ADAMTS19: variants seen among roughly 807,000 people sequenced by gnomAD.
ADAMTS19 encodes A disintegrin and metalloproteinase with thrombospondin motifs 19.
In ADAMTS19, 93 loss-of-function variants were observed where a neutral mutation model predicts 153.3. That is an observed-to-expected ratio of 0.61 (90% CI 0.51 to 0.72). The LOEUF (loss-of-function observed/expected upper bound fraction) is 0.72, where lower values mean the gene tolerates loss of function less well. ADAMTS19 is among the 30% of genes least tolerant of loss of function. The pLI is 0.00. For missense variants in ADAMTS19, 1,482 were observed against 1,552.1 expected (o/e 0.95, Z 0.76); for synonymous variants, 600 against 556.6 (o/e 1.08, Z -1.10).
intron 2 of ADAMTS19, among the ~76,000 whole-genome samples, chr5:129,487,259 A>T (rs1327538580): frequency 6.6e-6 from 1 of 152,114 alleles, no homozygotes; most frequent in African/African-American, 2.4e-5. Flanking sequence ...TATGGATAAA[A>T]ATTTCAGTCA....
chr5:129,484,049 AAC>A (rs1290998830), intron 2 of ADAMTS19, among the ~76,000 whole-genome samples: 2 of 152,190 alleles, frequency 1.3e-5, no homozygotes, highest in African/African-American at 2.4e-5. Flanking sequence ...AGTGAATATT[AAC>A]ACAGTTATTA....
chr5:129,567,102 T>C (rs1753744100), intron 7 of ADAMTS19, among the ~76,000 whole-genome samples: 1 of 152,070 alleles, frequency 6.6e-6, no homozygotes, highest in Non-Finnish European at 1.5e-5. Flanking sequence ...TGGATATGAC[T>C]CTAAAATTTC....
chr5:129,489,276 G>A (rs1013391365), intron 2 of ADAMTS19, among the ~76,000 whole-genome samples: 4 of 152,162 alleles, frequency 2.6e-5, no homozygotes, highest in South Asian at 4.2e-4. Flanking sequence ...TTATTTTTCA[G>A]ATAGCAGTGA....
rs1561632359 is a variant in ADAMTS19 at position 129,658,343 on chromosome 5, A to AGAGAGAGAGAGAGAGAG, written c.2305-274_2305-273insGAGAGAGAGAGAGAGAG. On this transcript the variant is annotated intron_variant, in intron 14 of 22. Transcript: ENST00000274487. ...AAAGAAAGAAAGAAAGAAAGAAAGA[A>AGAGAGAGAGAGAGAGAG]AGAAAGAAAGAAAGAAAGAAAGAAA... Among the ~76,000 whole-genome samples the AGAGAGAGAGAGAGAGAG allele has an allele frequency of 1.2e-4, 14 of 112,264 alleles. 1 individual carries two copies. Among genetic ancestry groups the AGAGAGAGAGAGAGAGAG allele is most frequent in the East Asian group, 1.2e-3 (5 of 4,192 alleles). 73.6% of individuals were successfully genotyped at this position (112,264 alleles called of 152,430 possible).
intron 16 of ADAMTS19, among the ~76,000 whole-genome samples, chr5:129,668,891 T>G (rs1024415431): frequency 5.3e-5 from 8 of 152,108 alleles, no homozygotes; most frequent in Non-Finnish European, 1.0e-4. Flanking sequence ...CATTTTAAAA[T>G]TCATGTGAAA....
intron 6 of ADAMTS19, among the ~76,000 whole-genome samples, chr5:129,532,165 TA>T (rs1752230702): frequency 6.7e-6 from 1 of 149,850 alleles, no homozygotes; most frequent in African/African-American, 2.5e-5. Flanking sequence ...CTGGAATTTT[TA>T]AAAATGAAAA....
chr5:129,737,107 G>T lies in ADAMTS19; in HGVS notation c.3531G>T (p.Val1177=). The change falls in exon 23 of 23, where the codon GTG becomes GTT. Residue 1177 remains valine (V), a synonymous_variant. Coordinates refer to ENST00000274487, the MANE Select transcript of ADAMTS19 (RefSeq NM_133638.6). ...AGTGCCTGGGAGATCAGTGGCCAGTGTACTGCCGAGTGATACGTGAAAAGA... is the reference window on the plus strand; with the variant it reads ...AGTGCCTGGGAGATCAGTGGCCAGTTTACTGCCGAGTGATACGTGAAAAGA... ...TFKCLGDQWP[V]YCRVIREKNL... is the part of the protein sequence containing the mutation. 1 of 1,609,752 alleles carries T rather than the reference G, an allele frequency of 6.2e-7. No homozygotes were observed. The highest frequency in any genetic ancestry group is 8.5e-7 in the Non-Finnish European group (1 of 1,177,196).
Position 129,565,905 on chromosome 5 carries a change from G to A in ADAMTS19, c.1372+13998G>A, listed in dbSNP as rs541003361. ...GAAATTTTTCTTAGCATTTTTTTAAGCAACAGTATTGGGGAAAATTGGCAA... is the reference window on the plus strand; with the variant it reads ...GAAATTTTTCTTAGCATTTTTTTAAACAACAGTATTGGGGAAAATTGGCAA... On this transcript the variant is annotated intron_variant, in intron 7 of 22. Transcript: ENST00000274487. 3.0e-4 allele frequency among the ~76,000 whole-genome samples: 45 copies of A among 152,092 alleles called. No individual in the cohort carries two copies. In the South Asian group the frequency reaches 4.8e-3, roughly 16 times the overall value.
chr5:129,556,741 A>G (rs558389020), intron 7 of ADAMTS19, among the ~76,000 whole-genome samples: 1 of 152,210 alleles, frequency 6.6e-6, no homozygotes, highest in Admixed American at 6.5e-5. Context: ...AAAGAATTCA[A>G]CTCATTATGG....
intron 14 of ADAMTS19, among the ~76,000 whole-genome samples, chr5:129,656,751 A>G (rs1753563579): frequency 6.6e-6 from 1 of 152,254 alleles, no homozygotes; most frequent in Non-Finnish European, 1.5e-5. Flanking sequence ...TGTAGTATAT[A>G]TGTCTATTCC....
intron 21 of ADAMTS19, among the ~76,000 whole-genome samples, chr5:129,720,768 T>C (rs1363294420): frequency 6.6e-6 from 1 of 151,696 alleles, no homozygotes; most frequent in African/African-American, 2.4e-5. Flanking sequence ...AGTTAAGAGG[T>C]TTTTAGGAAT....
intron 3 of ADAMTS19, among the ~76,000 whole-genome samples, chr5:129,520,042 G>A (rs950542947): frequency 1.3e-5 from 2 of 152,054 alleles, no homozygotes; most frequent in Admixed American, 6.6e-5. Context: ...TACTGAGGCC[G>A]GGACCCAAGA....
rs886119806 is a variant in ADAMTS19, at chr5:129,602,449, T to TA, written c.1478+5790dup. Among the ~76,000 whole-genome samples, 155 of 151,430 alleles carry TA rather than the reference T, an allele frequency of 1.0e-3. 2 individuals are homozygous for TA. Among genetic ancestry groups the TA allele is most frequent in the African/African-American group, 3.4e-3 (140 of 40,730 alleles). On this transcript the variant is annotated intron_variant, in intron 8 of 22. Transcript: ENST00000274487. ...TATTGAGTTGCCAAAGGGTTTCTAA[T>TA]AAAAACAACAGTGTCTTCTTTTATT...
At chr5:129,658,185 C>T (rs1174840258) in intron 14 of ADAMTS19, among the ~76,000 whole-genome samples, 1 of 151,940 alleles carries the variant, frequency 6.6e-6, no homozygotes, top group Admixed American at 6.6e-5. Flanking sequence ...ACTCGGGAGG[C>T]TGAGGTGGGA....
chr5:129,697,295 T>C (rs1755603502), intron 19 of ADAMTS19, among the ~76,000 whole-genome samples: 1 of 152,142 alleles, frequency 6.6e-6, no homozygotes, highest in Non-Finnish European at 1.5e-5. Context: ...TGGTCTGAAC[T>C]AGTTTTTCAA....
At chr5:129,646,523 G>A (rs2127036724) in intron 11 of ADAMTS19, among the ~76,000 whole-genome samples, 1 of 152,180 alleles carries the variant, frequency 6.6e-6, no homozygotes, top group East Asian at 1.9e-4. Flanking sequence ...AGAATGAACA[G>A]AATTTTGCTT....
At chr5:129,504,709 C>A (rs1178292896) in intron 2 of ADAMTS19, among the ~76,000 whole-genome samples, 1 of 152,084 alleles carries the variant, frequency 6.6e-6, no homozygotes, top group East Asian at 1.9e-4. Flanking sequence ...CTGCTTCTAT[C>A]AGTCTGACTT....
chr5:129,588,988 T>C (rs1390952669), intron 7 of ADAMTS19, among the ~76,000 whole-genome samples: 1 of 151,948 alleles, frequency 6.6e-6, no homozygotes, highest in Non-Finnish European at 1.5e-5. Flanking sequence ...ATTATTTTGC[T>C]AGTTATTAAT....
intron 8 of ADAMTS19, among the ~76,000 whole-genome samples, chr5:129,608,088 A>ATGTGTG (rs1351864163): frequency 1.0e-5 from 1 of 99,360 alleles, no homozygotes; most frequent in East Asian, 3.2e-4. Flanking sequence ...AATTTTATAT[A>ATGTGTG]TATGTGTGTG....
Sources: allele counts gnomAD v4.1 joint callset (sites outside exome capture counted in the v4.1 genomes callset), GRCh38; gene constraint gnomAD v4.1.1; transcripts MANE v1.5; gene names NCBI Gene and HGNC (gene_info 2026-07-23, HGNC 2026-07-21).